The following EP300 variants were observed in gnomAD, a reference collection of about 807,000 sequenced individuals.
EP300 encodes histone acetyltransferase p300.
A neutral mutation model predicts 264.0 loss-of-function variants in EP300; 31 were observed. That is an observed-to-expected ratio of 0.12 (90% CI 0.09 to 0.16). The LOEUF is 0.16. Among genes scored for constraint, EP300 ranks in the 10% least tolerant of loss-of-function variants. The probability of loss-of-function intolerance (pLI) is 1.00; values close to 1 mark genes in which losing one functional copy is unlikely to be tolerated. For missense variants in EP300, 2,766 were observed against 3,052.9 expected (o/e 0.91, Z 2.21); for synonymous variants, 1,340 against 1,045.4 (o/e 1.28, Z -5.44).
intron 1 of EP300, among the ~76,000 whole-genome samples, chr22:41,115,264 T>G (rs2058814536): frequency 6.6e-6 from 1 of 152,168 alleles, no homozygotes; most frequent in Admixed American, 6.5e-5. Flanking sequence ...ATTGTCACAA[T>G]TGGGATATGG....
Position 41,131,576 on chromosome 22 carries a change from C to G in EP300, c.1471C>G (p.Gln491Glu). ...ACAACCCCAGGTGCAAGCAAAGAAC[C>G]AGCAGAATCAGCAGCCTGGGCAGTC... ...PTQPQVQAKNQQNQQPGQSPQ... is the reference protein window; with the variant it reads ...PTQPQVQAKNEQNQQPGQSPQ... Residue 491 changes from glutamine (Q) to glutamate (E), a missense_variant, in exon 6 of 31, where the codon CAG becomes GAG. Physicochemically the swap from Gln to Glu is conservative, Grantham distance 29. Transcript: ENST00000263253. 23 of 1,614,098 alleles carry G rather than the reference C, an allele frequency of 1.4e-5. No individual in the cohort carries two copies. Among genetic ancestry groups the G allele is most frequent in the Non-Finnish European group, 1.9e-5 (23 of 1,180,010 alleles).
intron 6 of EP300, among the ~76,000 whole-genome samples, chr22:41,131,983 G>A (rs1359568862): frequency 6.6e-6 from 1 of 151,990 alleles, no homozygotes; most frequent in Non-Finnish European, 1.5e-5. Context: ...GGATCACAAG[G>A]TCAGGAGTTT....
At chr22:41,146,711 A>T (rs2145732157) in intron 10 of EP300, 28 bp from the exon 11 acceptor site, 1 of 1,607,376 alleles carries the variant, frequency 6.2e-7, no homozygotes. Context: ...GATGGTGCAA[A>T]GATACTTATT....
rs200552141 is a variant in EP300, at chr22:41,177,072, C to T, written c.5361C>T (p.Ala1787=). Residue 1787 remains alanine (A), a synonymous_variant, in exon 31 of 31, where the codon GCC becomes GCT. Transcript: ENST00000263253. The part of the protein sequence containing the change: ...GGCPICKQLI[A]LCCYHAKHCQ... ...GCCCCATCTGCAAGCAGCTCATTGC[C>T]CTCTGCTGCTACCATGCCAAGCACT... 171 of 1,614,014 alleles carry T rather than the reference C, an allele frequency of 1.1e-4. No homozygotes were observed. Among genetic ancestry groups the T allele is most frequent in the Non-Finnish European group, 1.3e-4 (159 of 1,180,036 alleles).
intron 4 of EP300, among the ~76,000 whole-genome samples, chr22:41,129,134 C>G (rs945527004): frequency 6.6e-6 from 1 of 151,676 alleles, no homozygotes; most frequent in African/African-American, 2.4e-5. Context: ...CCTCAGCCTC[C>G]CGAGTAGATG....
chr22:41,123,053 A>G (rs1348025090), intron 2 of EP300, among the ~76,000 whole-genome samples: 3 of 152,148 alleles, frequency 2.0e-5, no homozygotes, highest in Non-Finnish European at 4.4e-5. Context: ...AAAAAGTAAA[A>G]GAAAAATTTT....
chr22:41,161,044 A>AAGT (rs1392879578), intron 20 of EP300, among the ~76,000 whole-genome samples: 1 of 152,184 alleles, frequency 6.6e-6, no homozygotes, highest in African/African-American at 2.4e-5. Context: ...GTTCTAGTAA[A>AAGT]AGTATTCTGT....
intron 12 of EP300, among the ~76,000 whole-genome samples, chr22:41,148,164 G>A (rs1436526087): frequency 2.0e-5 from 3 of 152,168 alleles, no homozygotes; most frequent in South Asian, 4.1e-4. Flanking sequence ...GCCTGCATGC[G>A]TTTTCACGGT....
At chr22:41,104,873 A>AGCTGGGCATG (rs1375706656) in intron 1 of EP300, among the ~76,000 whole-genome samples, 1 of 151,608 alleles carries the variant, frequency 6.6e-6, no homozygotes, top group African/African-American at 2.4e-5. Flanking sequence ...TACAAAAATT[A>AGCTGGGCATG]GCTGGGCATG....
chr22:41,140,287 C>T (rs2058974370), intron 9 of EP300, 30 bp downstream of exon 9: 3 of 1,412,460 alleles, frequency 2.1e-6, no homozygotes, highest in African/African-American at 1.4e-5. Context: ...CTATTAATAG[C>T]CAAGATTGAA....
intron 10 of EP300, among the ~76,000 whole-genome samples, chr22:41,145,792 A>G (rs1382478376): frequency 6.7e-6 from 1 of 148,806 alleles, no homozygotes; most frequent in African/African-American, 2.5e-5. Context: ...GCCTGCCACC[A>G]CGCCCGGCTA....
chr22:41,154,505 C>T (rs999362656), intron 16 of EP300, among the ~76,000 whole-genome samples: 3 of 150,628 alleles, frequency 2.0e-5, no homozygotes, highest in Non-Finnish European at 2.9e-5. Context: ...CCTCAAGCCT[C>T]CTGAGTAGCT....
Position 41,155,124 on chromosome 22 carries a change from G to C in EP300, c.3261+11G>C. 1 of 1,556,884 alleles carries C rather than the reference G, an allele frequency of 6.4e-7. No homozygotes were observed. Among genetic ancestry groups the C allele is most frequent in the Middle Eastern group, 1.7e-4 (1 of 5,948 alleles). ...CTTTTAGGAATCCCTGTAAGTATTTGGTGGTACTTTTGATTTTATTTTTTA... is the reference window on the plus strand; with the variant it reads ...CTTTTAGGAATCCCTGTAAGTATTTCGTGGTACTTTTGATTTTATTTTTTA... On this transcript the variant is annotated intron_variant, in intron 17 of 30. Transcript: ENST00000263253.
intron 18 of EP300, 103 bp from the exon 19 acceptor site, chr22:41,158,309 G>T: frequency 1.2e-6 from 1 of 832,348 alleles, no homozygotes; most frequent in South Asian, 1.4e-5. Context: ...TAACATAAAT[G>T]AGAACTAAGA....
In EP300 at chr22:41,139,153, C is replaced by T. The variant is rs188018622; in HGVS notation, c.1761-987C>T. 9.9e-5 allele frequency among the ~76,000 whole-genome samples: 15 copies of T among 152,142 alleles called. No individual in the cohort carries two copies. The East Asian group carries it at 1.9e-3, about 20-fold the overall frequency. The stretch of plus-strand genomic sequence containing the variant: ...ATTTTTAGTAGAGATGGGGTTTCGC[C>T]GTGTTGGCCAGGCTGGTCTCGAACT... On this transcript the variant is annotated intron_variant, in intron 8 of 30. Transcript: ENST00000263253.
Position 41,117,752 on chromosome 22 carries a change from T to C in EP300, c.660T>C (p.Thr220=), listed in dbSNP as rs1380459759. 1 of 1,614,228 alleles carries C rather than the reference T, an allele frequency of 6.2e-7. No individual in the cohort carries two copies. Among genetic ancestry groups the C allele is most frequent in the Non-Finnish European group, 8.5e-7 (1 of 1,180,036 alleles). The change falls in exon 2 of 31, where the codon ACT becomes ACC. Residue 220 remains threonine, a synonymous_variant. Coordinates refer to ENST00000263253, the MANE Select transcript of EP300 (RefSeq NM_001429.4). ...PGMGSAGNLL[T]EPLQQGSPQM... is the part of the protein sequence containing the mutation. ...TGGGAAGTGCTGGCAACTTACTGAC[T>C]GAGCCTCTTCAGCAGGGCTCTCCCC...
At chr22:41,166,576 GC>G in intron 22 of EP300, 22 bp from the exon 23 acceptor site, 1 of 1,602,824 alleles carries the variant, frequency 6.2e-7, no homozygotes, top group South Asian at 1.1e-5. Flanking sequence ...AGTTGTGTAA[GC>G]AAAGTTTTGG....
intron 16 of EP300, 73 bp downstream of exon 16, chr22:41,152,423 C>G (rs2059051958): frequency 6.5e-7 from 1 of 1,533,258 alleles, no homozygotes. Context: ...TGCGGTCATG[C>G]CTCTTGGGCC....
chr22:41,178,591 C>G lies in EP300; in HGVS notation c.6880C>G (p.Leu2294Val). Residue 2294 changes from leucine (L) to valine (V), a missense_variant, in exon 31 of 31, where the codon CTA becomes GTA. Transcript: ENST00000263253. ...MLPNQAQSPH[L>V]QGQQIPNSLS... ...CCCAAATCAGGCCCAGTCCCCACAC[C>G]TACAAGGCCAGCAGATCCCTAATTC... The G allele has an allele frequency of 1.2e-6, 2 of 1,614,170 alleles. No individual in the cohort carries two copies. The highest frequency in any genetic ancestry group is 1.1e-5 in the South Asian group (1 of 91,080).
Sources: allele counts gnomAD v4.1 joint callset (sites outside exome capture counted in the v4.1 genomes callset), GRCh38; gene constraint gnomAD v4.1.1; transcripts MANE v1.5; gene names NCBI Gene and HGNC (gene_info 2026-07-23, HGNC 2026-07-21).